DENND4C: variants seen among roughly 807,000 people sequenced by gnomAD.
The protein encoded by DENND4C is DENN domain containing 4C.
DENND4C carries 108 observed loss-of-function variants against 203.0 expected under a neutral mutation model. The ratio of observed to expected loss-of-function variants is 0.53; its 90% CI spans 0.46 to 0.62. DENND4C has a LOEUF of 0.62. Ranked by LOEUF, DENND4C falls within the 20% of genes least tolerant of loss-of-function variation. The pLI is 0.00. For missense variants in DENND4C, 2,481 were observed against 2,301.2 expected, an observed-to-expected ratio of 1.08 and a Z score of -1.60; for synonymous variants, 871 against 792.4, an observed-to-expected ratio of 1.10 and a Z score of -1.67.
chr9:19,337,678 T>A lies in DENND4C; in HGVS notation c.2881+846T>A, dbSNP rs182414452. On this transcript the variant is annotated intron_variant, in intron 20 of 32. Coordinates refer to ENST00000434457, the MANE Select transcript of DENND4C (RefSeq NM_001330640.2). ...TTGAATGTTAACCACATCAGGTAAT[T>A]TCCCATTTATTAGGTTAAATTTTGC... The A allele has an allele frequency of 4.1e-4, 532 of 1,287,814 alleles. No individual in the cohort carries two copies. In the African/African-American group the frequency reaches 6.9e-3, roughly 17 times the overall value. 79.8% of individuals were successfully genotyped at this position (1,287,814 alleles called of 1,614,324 possible). A position where few individuals can be genotyped will look rare whatever the true frequency, so the allele number is the denominator to read the frequency against.
chr9:19,337,543 G>T, intron 20 of DENND4C: 1 of 1,003,818 alleles, frequency 1.0e-6, no homozygotes, highest in Non-Finnish European at 1.2e-6. Flanking sequence ...TTTGCTTTTT[G>T]CTCTGTGCTG....
intron 9 of DENND4C, among the ~76,000 whole-genome samples, chr9:19,303,461 T>G (rs991414152): frequency 2.0e-5 from 3 of 152,104 alleles, no homozygotes; most frequent in African/African-American, 7.2e-5. Flanking sequence ...GACAGCAGAG[T>G]TAAATGGTTG....
Position 19,311,745 on chromosome 9 carries a change from GA to G in DENND4C, c.1488-4662del, listed in dbSNP as rs796798415. 6.4e-3 allele frequency among the ~76,000 whole-genome samples: 952 copies of G among 148,318 alleles called. 12 individuals are homozygous for G. Among genetic ancestry groups the G allele is most frequent in the African/African-American group, 0.022 (910 of 40,606 alleles). On this transcript the variant is annotated intron_variant, in intron 10 of 32. Transcript: ENST00000434457. The stretch of plus-strand genomic sequence containing the variant: ...TTTCACTTTTCAGATTGGCCAAAAA[GA>G]AAAAAAAAATTCAAAATGAAATGCT...
chr9:19,281,531 TTTGTC>T (rs1564115812), intron 2 of DENND4C, among the ~76,000 whole-genome samples: 1 of 152,198 alleles, frequency 6.6e-6, no homozygotes, highest in African/African-American at 2.4e-5. Flanking sequence ...TTGCTAAACT[TTTGTC>T]TTTTTTACTG....
At chr9:19,248,829 G>T (rs555596178) in intron 1 of DENND4C, among the ~76,000 whole-genome samples, 23 of 148,914 alleles carry the variant, frequency 1.5e-4, no homozygotes, top group African/African-American at 5.5e-4. Context: ...ACCAAGTCTT[G>T]CTCAGTCACC....
At chr9:19,306,556 A>G (rs947115295) in intron 10 of DENND4C, among the ~76,000 whole-genome samples, 1 of 152,082 alleles carries the variant, frequency 6.6e-6, no homozygotes, top group African/African-American at 2.4e-5. Context: ...TCAGGAATGT[A>G]TTCATTGTGG....
At chr9:19,232,596 C>T (rs144967986) in intron 1 of DENND4C, among the ~76,000 whole-genome samples, 4 of 152,026 alleles carry the variant, frequency 2.6e-5, no homozygotes, top group Non-Finnish European at 5.9e-5. Flanking sequence ...ATTCTATTGT[C>T]GAGAGTAAAT....
intron 25 of DENND4C, 145 bp from the exon 26 acceptor site, chr9:19,352,345 T>C (rs1195001559): frequency 8.1e-6 from 8 of 991,300 alleles, no homozygotes; most frequent in African/African-American, 1.6e-5. Context: ...ATTGAACTGG[T>C]AGTTTACCTG....
rs768966310 is a variant in DENND4C, at chr9:19,316,706, T to C, written c.1674T>C (p.Leu558=). 3.1e-6 allele frequency: 5 copies of C among 1,613,894 alleles called. No individual in the cohort carries two copies. In the South Asian group the frequency reaches 4.4e-5, roughly 14 times the overall value. Residue 558 remains leucine, a synonymous_variant, in exon 12 of 33, where the codon CTT becomes CTC. Transcript: ENST00000434457. ...DFSWQKKMTQ[L]EMEIQEAFLR... ...CCTGGCAAAAGAAGATGACACAGCTTGAGATGGAAATTCAAGAGGCATTTT... is the reference window on the plus strand; with the variant it reads ...CCTGGCAAAAGAAGATGACACAGCTCGAGATGGAAATTCAAGAGGCATTTT...
intron 19 of DENND4C, 101 bp downstream of exon 19, chr9:19,336,515 A>T (rs1452231465): frequency 4.8e-5 from 70 of 1,451,498 alleles, no homozygotes; most frequent in Non-Finnish European, 4.4e-5. Flanking sequence ...ATTCCGGTAG[A>T]CATTTTCACA....
chr9:19,275,539 C>T (rs1367510746), intron 1 of DENND4C, among the ~76,000 whole-genome samples: 1 of 151,454 alleles, frequency 6.6e-6, no homozygotes, highest in Admixed American at 6.6e-5. Context: ...GGAGCAATCT[C>T]CGCTCACTGC....
intron 16 of DENND4C, among the ~76,000 whole-genome samples, chr9:19,330,119 T>G (rs925431528): frequency 1.2e-4 from 19 of 152,168 alleles, no homozygotes; most frequent in Admixed American, 5.9e-4. Context: ...GAATTTTTTT[T>G]TACTGTTACC....
chr9:19,291,661 C>T (rs185215773), intron 5 of DENND4C, among the ~76,000 whole-genome samples: 1 of 147,574 alleles, frequency 6.8e-6, no homozygotes, highest in Admixed American at 6.8e-5. Context: ...GCTGAGACTG[C>T]ACCATTGCAC....
chr9:19,252,877 A>G (rs997073017), intron 1 of DENND4C, among the ~76,000 whole-genome samples: 1 of 152,134 alleles, frequency 6.6e-6, no homozygotes, highest in Admixed American at 6.6e-5. Flanking sequence ...CTAGGACCAC[A>G]GGCACGAGCC....
chr9:19,232,309 C>T (rs892353641), intron 1 of DENND4C, among the ~76,000 whole-genome samples: 3 of 152,036 alleles, frequency 2.0e-5, no homozygotes, highest in Non-Finnish European at 4.4e-5. Flanking sequence ...ACTCAATCCA[C>T]ACTTTCCTCC....
At chr9:19,359,828 A>G (rs1826099665) in intron 28 of DENND4C, among the ~76,000 whole-genome samples, 1 of 152,190 alleles carries the variant, frequency 6.6e-6, no homozygotes, top group South Asian at 2.1e-4. Flanking sequence ...TGTAAAAGTG[A>G]GTTAAGTCAA....
Position 19,335,236 on chromosome 9 carries a change from T to C in DENND4C, c.2589+131T>C, listed in dbSNP as rs139800800. 6.3e-6 allele frequency: 3 copies of C among 477,098 alleles called. No homozygotes were observed. In the Admixed American group the frequency reaches 1.3e-4, roughly 21 times the overall value. The allele number at this position is 477,098 out of a possible 1,614,324, so 29.6% of individuals were successfully genotyped here. Reference sequence around the variant, plus strand: ...AATTTTTTAATAATTTTTATAATTATTAAAAATTGACAAAAAGTATATATA... The same window carrying C: ...AATTTTTTAATAATTTTTATAATTACTAAAAATTGACAAAAAGTATATATA... On this transcript the variant is annotated intron_variant, in intron 18 of 32. Transcript: ENST00000434457.
At chr9:19,357,356 C>A (rs1016846830) in intron 27 of DENND4C, 2 of 507,754 alleles carry the variant, frequency 3.9e-6, no homozygotes, top group Non-Finnish European at 6.9e-6. Context: ...TAATATTTTA[C>A]AGTTGTCTTT....
chr9:19,290,268 A>C (rs1181998984), intron 4 of DENND4C, among the ~76,000 whole-genome samples: 1 of 152,168 alleles, frequency 6.6e-6, no homozygotes, highest in Non-Finnish European at 1.5e-5. Flanking sequence ...CTTCCCTCTT[A>C]AGATGAGTTT....
Sources: allele counts gnomAD v4.1 joint callset (sites outside exome capture counted in the v4.1 genomes callset), GRCh38; gene constraint gnomAD v4.1.1; transcripts MANE v1.5; gene names NCBI Gene and HGNC (gene_info 2026-07-23, HGNC 2026-07-21).